Variants in ST6GALNAC3 observed in about 807,000 individuals in gnomAD.
The protein encoded by ST6GALNAC3 is alpha-N-acetylgalactosaminide alpha-2,6-sialyltransferase 3.
Under a neutral mutation model 32.7 loss-of-function variants are expected in ST6GALNAC3, and 25 were observed. That is an observed-to-expected ratio of 0.76 (90% CI 0.56 to 1.07). The LOEUF (loss-of-function observed/expected upper bound fraction) is 1.07. ST6GALNAC3 is among the 50% of genes least tolerant of loss of function. The pLI is 0.00. For synonymous variants in ST6GALNAC3, 129 were observed against 133.1 expected, an observed-to-expected ratio of 0.97 and a Z score of 0.21; for missense variants, 355 against 382.4, an observed-to-expected ratio of 0.93 and a Z score of 0.60.
chr1:76,579,912 C>A (rs1392094733), intron 3 of ST6GALNAC3, among the ~76,000 whole-genome samples: 1 of 151,916 alleles, frequency 6.6e-6, no homozygotes, highest in East Asian at 1.9e-4. Flanking sequence ...ATGTTCAATG[C>A]CTAAATCCAT....
chr1:76,562,236 G>A (rs1665284293), intron 3 of ST6GALNAC3, among the ~76,000 whole-genome samples: 1 of 152,166 alleles, frequency 6.6e-6, no homozygotes, highest in Admixed American at 6.6e-5. Flanking sequence ...TTAAATGAGT[G>A]AATTATATGG....
At chr1:76,155,107 C>T (rs901443973) in intron 1 of ST6GALNAC3, among the ~76,000 whole-genome samples, 66 of 152,230 alleles carry the variant, frequency 4.3e-4, no homozygotes, top group African/African-American at 1.5e-3. Flanking sequence ...GTGCCCTCCT[C>T]CCTACAAAGT....
chr1:76,547,380 T>C (rs978736360), intron 3 of ST6GALNAC3, among the ~76,000 whole-genome samples: 1 of 152,132 alleles, frequency 6.6e-6, no homozygotes, highest in African/African-American at 2.4e-5. Flanking sequence ...TTCAGACAAA[T>C]AAAGAACAAA....
chr1:76,508,353 C>T (rs1661611043), intron 3 of ST6GALNAC3, among the ~76,000 whole-genome samples: 1 of 152,138 alleles, frequency 6.6e-6, no homozygotes. Flanking sequence ...TTGCCCAGTT[C>T]CTAACAGGCC....
intron 1 of ST6GALNAC3, among the ~76,000 whole-genome samples, chr1:76,306,652 CT>C (rs1206671603): frequency 5.0e-5 from 7 of 139,724 alleles, no homozygotes; most frequent in African/African-American, 7.8e-5. Flanking sequence ...TTCTGAGGAA[CT>C]TTTTTCCCAA....
intron 2 of ST6GALNAC3, among the ~76,000 whole-genome samples, chr1:76,381,990 C>T (rs1309755904): frequency 1.3e-5 from 2 of 152,086 alleles, no homozygotes; most frequent in African/African-American, 4.8e-5. Flanking sequence ...ACTGAAGAGA[C>T]AGAAATTGTA....
At chr1:76,098,292 G>A (rs1400949912) in intron 1 of ST6GALNAC3, among the ~76,000 whole-genome samples, 2 of 152,196 alleles carry the variant, frequency 1.3e-5, no homozygotes, top group Non-Finnish European at 2.9e-5. Context: ...GCATTAGACT[G>A]CACGATCACA....
At chr1:76,576,562 G>A (rs1014208159) in intron 3 of ST6GALNAC3, among the ~76,000 whole-genome samples, 3 of 151,958 alleles carry the variant, frequency 2.0e-5, no homozygotes, top group African/African-American at 7.3e-5. Flanking sequence ...TGAAATATTA[G>A]CCTTCGGAGA....
intron 1 of ST6GALNAC3, among the ~76,000 whole-genome samples, chr1:76,270,206 A>G (rs1199653350): frequency 6.6e-6 from 1 of 152,176 alleles, no homozygotes; most frequent in Non-Finnish European, 1.5e-5. Context: ...TTACTTGACA[A>G]AATGAAAAGT....
At chr1:76,298,112 A>G (rs1277973353) in intron 1 of ST6GALNAC3, among the ~76,000 whole-genome samples, 1 of 151,994 alleles carries the variant, frequency 6.6e-6, no homozygotes, top group Non-Finnish European at 1.5e-5. Context: ...GTCAGAGGTC[A>G]GATTATGAAG....
chr1:76,524,738 G>A (rs147528551), intron 3 of ST6GALNAC3, among the ~76,000 whole-genome samples: 4 of 147,318 alleles, frequency 2.7e-5, no homozygotes, highest in Admixed American at 6.8e-5. Context: ...TTTACAGAAC[G>A]TGGTATATTC....
chr1:76,292,137 A>G (rs767448555), intron 1 of ST6GALNAC3, among the ~76,000 whole-genome samples: 15 of 152,372 alleles, frequency 9.8e-5, no homozygotes, highest in Middle Eastern at 3.4e-3. Flanking sequence ...AACATTGCCC[A>G]AACCAGAAAT....
At chr1:76,271,001 A>G (rs1658814635) in intron 1 of ST6GALNAC3, among the ~76,000 whole-genome samples, 1 of 152,156 alleles carries the variant, frequency 6.6e-6, no homozygotes, top group South Asian at 2.1e-4. Flanking sequence ...AAGAACATAG[A>G]TGATACCATG....
intron 3 of ST6GALNAC3, among the ~76,000 whole-genome samples, chr1:76,551,813 C>G (rs565736008): frequency 3.9e-5 from 6 of 152,282 alleles, no homozygotes; most frequent in South Asian, 4.1e-4. Context: ...TAACCAACCT[C>G]TCTTCATACC....
intron 1 of ST6GALNAC3, among the ~76,000 whole-genome samples, chr1:76,226,109 A>C (rs1045104417): frequency 1.3e-5 from 2 of 152,190 alleles, no homozygotes; most frequent in Admixed American, 6.5e-5. Flanking sequence ...ATTCCAGTGA[A>C]AGTAAATCAA....
At position 76,633,130 on chromosome 1, in the gene ST6GALNAC3, G is replaced by T. The variant is rs1250242402; in HGVS notation, c.*4324G>T. 1 of 152,196 alleles carries T rather than the reference G, an allele frequency of 6.6e-6. No individual in the cohort carries two copies. The highest frequency in any genetic ancestry group is 1.5e-5 in the Non-Finnish European group (1 of 68,030). 9.4% of individuals were successfully genotyped at this position (152,196 alleles called of 1,614,324 possible). The stretch of plus-strand genomic sequence containing the variant: ...AGCTGAGGAAACAGACAGAGGTGAA[G>T]TGACTTGCCTGTAGTTATAAACTGG... On this transcript the variant is annotated 3_prime_UTR_variant, in exon 5 of 5. Coordinates refer to ENST00000328299, the MANE Select transcript of ST6GALNAC3 (RefSeq NM_152996.4).
intron 1 of ST6GALNAC3, among the ~76,000 whole-genome samples, chr1:76,087,533 T>C (rs17660872): frequency 0.088 from 13,467 of 152,276 alleles, 818 homozygotes; most frequent in Middle Eastern, 0.13. Context: ...TGAATAGTAA[T>C]AATAATTGTA....
At chr1:76,552,935 G>A (rs911261422) in intron 3 of ST6GALNAC3, among the ~76,000 whole-genome samples, 1 of 152,036 alleles carries the variant, frequency 6.6e-6, no homozygotes, top group Non-Finnish European at 1.5e-5. Flanking sequence ...AAGATTTTTA[G>A]ACATAAAAGA....
chr1:76,457,763 C>A (rs1017001175), intron 3 of ST6GALNAC3, among the ~76,000 whole-genome samples: 1 of 152,118 alleles, frequency 6.6e-6, no homozygotes, highest in South Asian at 2.1e-4. Flanking sequence ...AAACGTTAGA[C>A]CTAAAACCAT....
Sources: gnomAD v4.1 joint callset for allele counts (sites outside exome capture counted in the v4.1 genomes callset) on GRCh38, gnomAD v4.1.1 for gene constraint, MANE v1.5 for transcripts, NCBI Gene and HGNC (gene_info 2026-07-23, HGNC 2026-07-21) for gene names.